The following WIPF3 variants were observed in gnomAD, a reference collection of about 807,000 sequenced individuals.
WIPF3 encodes WAS/WASL interacting protein family member 3, also known as WAS/WASL-interacting protein family member 3.
In WIPF3, 33 loss-of-function variants were observed where a neutral mutation model predicts 38.9. The observed-to-expected ratio is 0.85, with a 90% confidence interval of 0.64 to 1.14. WIPF3 has a LOEUF of 1.14. Among genes scored for constraint, WIPF3 ranks in the 50% most tolerant of loss-of-function variants. The pLI is 0.00. For missense variants in WIPF3, 711 were observed against 652.5 expected (o/e 1.09, Z -0.98); for synonymous variants, 324 against 269.3 (o/e 1.20, Z -1.99).
intron 2 of WIPF3, among the ~76,000 whole-genome samples, chr7:29,843,744 G>T (rs1185322148): frequency 6.6e-6 from 1 of 152,136 alleles, no homozygotes; most frequent in Non-Finnish European, 1.5e-5. Flanking sequence ...GATCTTTGGA[G>T]CCACTTACTT....
intron 7 of WIPF3, among the ~76,000 whole-genome samples, chr7:29,890,741 T>G (rs1328756042): frequency 7.1e-6 from 1 of 141,562 alleles, no homozygotes; most frequent in East Asian, 2.2e-4. Context: ...CAGGGCCCTG[T>G]GCTCAGGTGG....
chr7:29,852,242 G>A (rs1055583989), intron 2 of WIPF3, among the ~76,000 whole-genome samples: 3 of 152,188 alleles, frequency 2.0e-5, no homozygotes, highest in African/African-American at 7.2e-5. Context: ...CTGGCGTCAA[G>A]CAATCCTCCT....
At chr7:29,839,094 G>T (rs1784872806) in intron 2 of WIPF3, among the ~76,000 whole-genome samples, 1 of 152,172 alleles carries the variant, frequency 6.6e-6, no homozygotes, top group Non-Finnish European at 1.5e-5. Flanking sequence ...TGGGAGGAGA[G>T]TGGGGGACTC....
intron 5 of WIPF3, 111 bp downstream of exon 5, chr7:29,884,704 A>G: frequency 7.1e-7 from 1 of 1,413,194 alleles, no homozygotes; most frequent in African/African-American, 1.4e-5. Flanking sequence ...ACCAGGGGTG[A>G]GGGAGGCAGA....
In WIPF3 at chr7:29,890,382, A is replaced by G. The variant is rs1415019557; in HGVS notation, c.1351+975A>G. On this transcript the variant is annotated intron_variant, in intron 7 of 8. Coordinates refer to ENST00000242140, the MANE Select transcript of WIPF3 (RefSeq NM_001080529.3). ...AAAAAAAAAAAAAAAAGAGAGAGAG[A>G]GAATGAGGTGATGAGGTGGAAGAGC... Among the ~76,000 whole-genome samples, 4 of 143,366 alleles carry G rather than the reference A, an allele frequency of 2.8e-5. No individual in the cohort carries two copies. The East Asian group carries it at 8.1e-4, about 29-fold the overall frequency. 94.1% of individuals were successfully genotyped at this position (143,366 alleles called of 152,430 possible). A position where few individuals can be genotyped will look rare whatever the true frequency, so the allele number is the denominator to read the frequency against.
intron 1 of WIPF3, among the ~76,000 whole-genome samples, chr7:29,826,303 C>T (rs1464655449): frequency 4.6e-5 from 7 of 152,132 alleles, no homozygotes; most frequent in Non-Finnish European, 8.8e-5. Flanking sequence ...GGCCCCAGAT[C>T]CACAGTGTCG....
intron 2 of WIPF3, among the ~76,000 whole-genome samples, chr7:29,864,582 A>C (rs1785354120): frequency 6.6e-6 from 1 of 152,234 alleles, no homozygotes; most frequent in African/African-American, 2.4e-5. Context: ...AACAAATAGG[A>C]TTGTATGATT....
At chr7:29,813,441 C>T (rs1160715217) in intron 1 of WIPF3, among the ~76,000 whole-genome samples, 1 of 152,212 alleles carries the variant, frequency 6.6e-6, no homozygotes, top group Non-Finnish European at 1.5e-5. Context: ...CCCATGCACT[C>T]ACACAGGGCA....
rs564237888 is a variant in WIPF3, at chr7:29,829,679, G to A, written c.-57-4989G>A. Among the ~76,000 whole-genome samples, 23 of 152,280 alleles carry A rather than the reference G, an allele frequency of 1.5e-4. No individual in the cohort carries two copies. The East Asian group carries it at 4.4e-3, about 29-fold the overall frequency. On this transcript the variant is annotated intron_variant, in intron 1 of 8. Coordinates refer to ENST00000242140, the MANE Select transcript of WIPF3 (RefSeq NM_001080529.3). ...ACTCCTAATTTACAAATGAAGAAAA[G>A]GAGGCCCAGTAAGGTAAAGTGACCT...
intron 7 of WIPF3, among the ~76,000 whole-genome samples, chr7:29,892,466 A>G (rs978855424): frequency 1.3e-5 from 2 of 152,238 alleles, no homozygotes; most frequent in African/African-American, 4.8e-5. Context: ...CTGTCAGTGC[A>G]AACACTAAAT....
intron 1 of WIPF3, among the ~76,000 whole-genome samples, chr7:29,821,097 T>C (rs1040261164): frequency 2.6e-5 from 4 of 152,176 alleles, no homozygotes; most frequent in Admixed American, 2.0e-4. Flanking sequence ...GTATCTTCAA[T>C]ACAAATTCAA....
intron 1 of WIPF3, among the ~76,000 whole-genome samples, chr7:29,832,540 G>A (rs143039595): frequency 4.4e-4 from 67 of 152,098 alleles, no homozygotes; most frequent in African/African-American, 7.2e-4. Flanking sequence ...TTTCCTTTTC[G>A]GTCTTTCTGT....
chr7:29,860,196 T>C (rs933280180), intron 2 of WIPF3, among the ~76,000 whole-genome samples: 1 of 152,196 alleles, frequency 6.6e-6, no homozygotes, highest in Non-Finnish European at 1.5e-5. Context: ...AAGAGTCCCA[T>C]TAGAAGACCA....
rs977863471 is a variant in WIPF3 at position 29,913,723 on chromosome 7, A to G, written c.1429-770A>G. On this transcript the variant is annotated intron_variant, in intron 8 of 8. Coordinates refer to ENST00000242140, the MANE Select transcript of WIPF3 (RefSeq NM_001080529.3). Reference sequence around the variant, plus strand: ...AATTTGAAGAACTTGCCCATGTCACAATGCCCAAACCTTCTGACCTCTTGT... The same window carrying G: ...AATTTGAAGAACTTGCCCATGTCACGATGCCCAAACCTTCTGACCTCTTGT... 6.6e-5 allele frequency among the ~76,000 whole-genome samples: 10 copies of G among 152,356 alleles called. No individual in the cohort carries two copies. In the East Asian group the frequency reaches 1.9e-3, roughly 29 times the overall value.
Position 29,875,882 on chromosome 7 carries a change from C to T in WIPF3, c.143C>T (p.Ala48Val), listed in dbSNP as rs754655046. Residue 48 changes from alanine (A) to valine (V), a missense_variant, in exon 3 of 9, where the codon GCG becomes GTG. Coordinates refer to ENST00000242140, the MANE Select transcript of WIPF3 (RefSeq NM_001080529.3). ...LRRADPKGRS[A>V]LLADIQQGTR... is the part of the protein sequence containing the mutation. ...AGGGCAGATCCGAAAGGCCGGAGTG[C>T]GCTGTTGGCTGATATCCAGCAAGGA... 1.6e-5 allele frequency: 26 copies of T among 1,613,934 alleles called. No individual in the cohort carries two copies. Among genetic ancestry groups the T allele is most frequent in the Middle Eastern group, 3.3e-4 (2 of 6,080 alleles).
At chr7:29,872,188 A>G (rs1785508076) in intron 2 of WIPF3, among the ~76,000 whole-genome samples, 1 of 152,346 alleles carries the variant, frequency 6.6e-6, no homozygotes, top group African/African-American at 2.4e-5. Flanking sequence ...ATTGCACAAC[A>G]TGAAACGTTC....
chr7:29,851,205 G>T (rs1404833010), intron 2 of WIPF3, among the ~76,000 whole-genome samples: 1 of 152,164 alleles, frequency 6.6e-6, no homozygotes, highest in Non-Finnish European at 1.5e-5. Flanking sequence ...GCCCTCAGGA[G>T]GGTGCTGAGA....
At chr7:29,886,737 A>G (rs1426870292) in intron 5 of WIPF3, among the ~76,000 whole-genome samples, 1 of 152,116 alleles carries the variant, frequency 6.6e-6, no homozygotes, top group Non-Finnish European at 1.5e-5. Context: ...AACTCACACC[A>G]CTTGGGTTTG....
chr7:29,900,496 C>T (rs935890590), intron 7 of WIPF3, among the ~76,000 whole-genome samples: 14 of 152,016 alleles, frequency 9.2e-5, no homozygotes, highest in African/African-American at 2.7e-4. Flanking sequence ...CAGTTCTCTG[C>T]GAGGAGAGGA....
Sources: gnomAD v4.1 joint callset for allele counts (sites outside exome capture counted in the v4.1 genomes callset) on GRCh38, gnomAD v4.1.1 for gene constraint, MANE v1.5 for transcripts, NCBI Gene and HGNC (gene_info 2026-07-23, HGNC 2026-07-21) for gene names.